CSMD1: variants seen among roughly 807,000 people sequenced by gnomAD.
CSMD1 encodes CUB and sushi domain-containing protein 1.
A neutral mutation model predicts 417.5 loss-of-function variants in CSMD1; 213 were observed. The ratio of observed to expected loss-of-function variants is 0.51; its 90% confidence interval spans 0.46 to 0.57. CSMD1 has a LOEUF of 0.57. CSMD1 is among the 20% of genes least tolerant of loss of function. CSMD1 has a pLI of 0.00. For missense variants in CSMD1, 6,923 were observed against 4,529.7 expected (o/e 1.53, Z -15.17); for synonymous variants, 2,862 against 1,736.8 (o/e 1.65, Z -16.11).
chr8:3,882,152 C>G (rs891058372), intron 5 of CSMD1, among the ~76,000 whole-genome samples: 2 of 151,884 alleles, frequency 1.3e-5, no homozygotes, highest in Non-Finnish European at 2.9e-5. Flanking sequence ...GCTCCTCCAC[C>G]AAGATTTGTG....
In CSMD1 at chr8:3,096,961, A is replaced by G; in HGVS notation, c.7026T>C (p.Phe2342=). The G allele has an allele frequency of 6.4e-7, 1 of 1,555,436 alleles. No homozygotes were observed. The highest frequency in any genetic ancestry group is 8.7e-7 in the Non-Finnish European group (1 of 1,148,512). The change falls in exon 47 of 70, where the codon TTT becomes TTC. Residue 2342 remains phenylalanine, a synonymous_variant. Transcript: ENST00000635120. ...TACTCCAAGAGCAAGTCTGGGAGTT[A>G]AAATAATTACCCGGATACCCTGGAC... ...ILSPGYPGNY[F]NSQTCSWSIK... is the part of the protein sequence containing the mutation.
At chr8:3,416,447 A>C (rs967112289) in intron 12 of CSMD1, among the ~76,000 whole-genome samples, 2 of 152,234 alleles carry the variant, frequency 1.3e-5, no homozygotes, top group Non-Finnish European at 2.9e-5. Flanking sequence ...AATGTGGACT[A>C]TGATGGATTT....
At chr8:3,934,571 T>G (rs1490912269) in intron 5 of CSMD1, among the ~76,000 whole-genome samples, 4 of 152,154 alleles carry the variant, frequency 2.6e-5, no homozygotes, top group South Asian at 4.1e-4. Context: ...ATTGGTATAT[T>G]TGGCCAGGCG....
At chr8:4,991,144 A>T (rs963499448) in intron 1 of CSMD1, among the ~76,000 whole-genome samples, 5 of 152,192 alleles carry the variant, frequency 3.3e-5, no homozygotes, top group African/African-American at 1.2e-4. Context: ...TCTTCCAAAC[A>T]GCCAGTAGAT....
intron 18 of CSMD1, among the ~76,000 whole-genome samples, chr8:3,375,992 T>A (rs917216625): frequency 2.0e-5 from 3 of 152,180 alleles, no homozygotes; most frequent in Non-Finnish European, 4.4e-5. Context: ...AAATTGGAAC[T>A]TTTTTTCTCC....
intron 3 of CSMD1, among the ~76,000 whole-genome samples, chr8:4,311,223 A>C (rs1798545673): frequency 6.6e-6 from 1 of 152,212 alleles, no homozygotes; most frequent in Admixed American, 6.5e-5. Context: ...AGCACCGTTC[A>C]CAACAGCAAA....
chr8:3,919,653 T>C (rs1432517073), intron 5 of CSMD1, among the ~76,000 whole-genome samples: 1 of 152,190 alleles, frequency 6.6e-6, no homozygotes, highest in Non-Finnish European at 1.5e-5. Flanking sequence ...TATGACTTTT[T>C]TTTCTATTTC....
intron 5 of CSMD1, among the ~76,000 whole-genome samples, chr8:3,920,528 G>A (rs1377721050): frequency 1.3e-5 from 2 of 152,030 alleles, no homozygotes; most frequent in African/African-American, 4.8e-5. Context: ...AAGTACGTTT[G>A]GCACGAGTAG....
chr8:4,132,437 T>G (rs1455617581), intron 3 of CSMD1, among the ~76,000 whole-genome samples: 1 of 152,166 alleles, frequency 6.6e-6, no homozygotes, highest in Non-Finnish European at 1.5e-5. Context: ...CTATTTTTAT[T>G]TAAAGGAACA....
At chr8:4,746,358 G>T (rs1156369617) in intron 1 of CSMD1, among the ~76,000 whole-genome samples, 3 of 152,156 alleles carry the variant, frequency 2.0e-5, no homozygotes, top group African/African-American at 7.2e-5. Flanking sequence ...AAGGGCTATG[G>T]TTTTAAGCGT....
chr8:4,720,932 C>G (rs1267496434), intron 1 of CSMD1, among the ~76,000 whole-genome samples: 1 of 152,102 alleles, frequency 6.6e-6, no homozygotes, highest in African/African-American at 2.4e-5. Context: ...TTTCGTGAAT[C>G]TACAATTCAC....
chr8:4,140,913 T>C (rs1165131722), intron 3 of CSMD1, among the ~76,000 whole-genome samples: 1 of 151,138 alleles, frequency 6.6e-6, no homozygotes, highest in Non-Finnish European at 1.5e-5. Flanking sequence ...AGGGCCGACT[T>C]ACTGCTAACA....
rs1037715935 is a variant in CSMD1 at position 3,790,440 on chromosome 8, G to A, written c.819-36398C>T. Among the ~76,000 whole-genome samples the A allele has an allele frequency of 3.9e-5, 6 of 152,152 alleles. No individual in the cohort carries two copies. The East Asian group carries it at 9.7e-4, about 24-fold the overall frequency. On this transcript the variant is annotated intron_variant, in intron 5 of 69. Transcript: ENST00000635120. Reference sequence around the variant, plus strand: ...GTGATAACAGTATTATAATGATGGTGATGATGACACGGTTATGGTAATGTT... The same window carrying A: ...GTGATAACAGTATTATAATGATGGTAATGATGACACGGTTATGGTAATGTT...
In CSMD1 at chr8:3,205,604, C is replaced by G. The variant is rs1330297686; in HGVS notation, c.4884G>C (p.Gln1628His). The change falls in exon 31 of 70, where the codon CAG (glutamine) becomes CAC (histidine). Residue 1628 changes from glutamine (Q) to histidine (H), a missense_variant. By Grantham distance (24) the Gln-to-His change is conservative (BLOSUM62 0). Transcript: ENST00000635120. ...AAACTACCCCTTCTGATCCCGTGTA[C>G]TGGCCTCCACAGGGAGCTGAAAATA... is the stretch of plus-strand genomic sequence containing the variant. ...LPSCNAPCGG[Q>H]YTGSEGVVLS... is the part of the protein sequence containing the mutation. 1 of 1,561,608 alleles carries G rather than the reference C, an allele frequency of 6.4e-7. No individual in the cohort carries two copies.
At chr8:4,045,623 A>G (rs146592583) in intron 3 of CSMD1, among the ~76,000 whole-genome samples, 3 of 152,370 alleles carry the variant, frequency 2.0e-5, no homozygotes, top group East Asian at 1.9e-4. Context: ...GCTGCAACAT[A>G]GAAAAGGGGA....
intron 3 of CSMD1, among the ~76,000 whole-genome samples, chr8:4,202,940 C>G (rs1799746708): frequency 6.6e-6 from 1 of 152,118 alleles, no homozygotes; most frequent in Non-Finnish European, 1.5e-5. Context: ...TTGGCCTTAT[C>G]TCTTTTTGCA....
intron 4 of CSMD1, among the ~76,000 whole-genome samples, chr8:4,026,945 A>G (rs758102679): frequency 1.3e-5 from 2 of 151,648 alleles, no homozygotes; most frequent in Non-Finnish European, 1.5e-5. Context: ...CAAACAAACA[A>G]ACTGAAAACC....
At chr8:4,784,261 A>G (rs1797294274) in intron 1 of CSMD1, among the ~76,000 whole-genome samples, 2 of 152,224 alleles carry the variant, frequency 1.3e-5, no homozygotes, top group African/African-American at 4.8e-5. Flanking sequence ...CCAAGTAAAC[A>G]GGCTTTACCT....
chr8:4,970,598 A>G (rs1810180382), intron 1 of CSMD1, among the ~76,000 whole-genome samples: 1 of 152,036 alleles, frequency 6.6e-6, no homozygotes, highest in Non-Finnish European at 1.5e-5. Context: ...TTTACCAGAA[A>G]TATCTCTACT....
Sources: gnomAD v4.1 joint callset for allele counts (sites outside exome capture counted in the v4.1 genomes callset) on GRCh38, gnomAD v4.1.1 for gene constraint, MANE v1.5 for transcripts, NCBI Gene and HGNC (gene_info 2026-07-23, HGNC 2026-07-21) for gene names.